The following VTI1A variants were observed in gnomAD, a reference collection of about 807,000 sequenced individuals.
VTI1A encodes the protein vesicle transport through interaction with t-SNAREs 1A, also known as vesicle transport through interaction with t-SNAREs homolog 1A.
A neutral mutation model predicts 34.9 loss-of-function variants in VTI1A; 22 were observed. The observed-to-expected ratio is 0.63, with a 90% CI of 0.45 to 0.90. The LOEUF (loss-of-function observed/expected upper bound fraction) is 0.90. Among genes scored for constraint, VTI1A ranks in the 40% least tolerant of loss-of-function variants. The pLI, the probability that VTI1A is intolerant of heterozygous loss-of-function variation, is 0.00. For missense variants in VTI1A, 268 were observed against 275.6 expected (o/e 0.97, Z 0.20); for synonymous variants, 87 against 97.3 (o/e 0.89, Z 0.62).
intron 7 of VTI1A, among the ~76,000 whole-genome samples, chr10:112,684,189 A>G (rs1235752589): frequency 6.6e-6 from 1 of 152,186 alleles, no homozygotes; most frequent in African/African-American, 2.4e-5. Context: ...TTTTATGTAC[A>G]ACATATAAAA....
chr10:112,765,486 A>C (rs1326650962), intron 7 of VTI1A, among the ~76,000 whole-genome samples: 1 of 152,258 alleles, frequency 6.6e-6, no homozygotes, highest in Non-Finnish European at 1.5e-5. Flanking sequence ...CTGAGATTAC[A>C]GGCATGAGCC....
In VTI1A at chr10:112,510,611, G is replaced by GGAC. The variant is rs79900538; in HGVS notation, c.265-16472_265-16470dup. On this transcript the variant is annotated intron_variant, in intron 3 of 7. Coordinates refer to ENST00000393077, the MANE Select transcript of VTI1A (RefSeq NM_145206.4). ...TGACTGTGCCACTGGTCTCCAGCAT[G>GGAC]GACGACAGTGAGGCTTTGACTCAAA... Among the ~76,000 whole-genome samples the GGAC allele has an allele frequency of 6.0e-3, 907 of 152,148 alleles. 3 individuals carry two copies. The highest frequency in any genetic ancestry group is 9.3e-3 in the Non-Finnish European group (630 of 68,008).
chr10:112,721,425 G>C (rs1849803829), intron 7 of VTI1A, among the ~76,000 whole-genome samples: 1 of 152,186 alleles, frequency 6.6e-6, no homozygotes, highest in Admixed American at 6.5e-5. Context: ...ACCAATAACA[G>C]AACAACTTAC....
At chr10:112,610,146 G>A (rs903697220) in intron 5 of VTI1A, among the ~76,000 whole-genome samples, 2 of 150,086 alleles carry the variant, frequency 1.3e-5, no homozygotes, top group African/African-American at 4.9e-5. Context: ...TGTTCAGGGG[G>A]AATCATAAAA....
chr10:112,846,880 G>A, the VTI1A span, among the ~76,000 whole-genome samples: 1 of 152,048 alleles, frequency 6.6e-6, no homozygotes, highest in Non-Finnish European at 1.5e-5. Context: ...GGTGATTCTA[G>A]AAAGTCTAAC....
At chr10:112,727,369 G>T (rs1007896568) in intron 7 of VTI1A, among the ~76,000 whole-genome samples, 1 of 151,884 alleles carries the variant, frequency 6.6e-6, no homozygotes, top group East Asian at 1.9e-4. Context: ...GGTGAGCAGA[G>T]CAAAACTGTT....
chr10:112,555,787 G>A (rs372067632), intron 5 of VTI1A, among the ~76,000 whole-genome samples: 143 of 151,966 alleles, frequency 9.4e-4, no homozygotes, highest in Non-Finnish European at 1.6e-3. Context: ...TACTGTTTCC[G>A]CTAGAGATCA....
intron 7 of VTI1A, among the ~76,000 whole-genome samples, chr10:112,689,313 C>T (rs925165514): frequency 6.6e-6 from 1 of 152,158 alleles, no homozygotes; most frequent in Admixed American, 6.5e-5. Context: ...TTGGAAATGT[C>T]ATCAGTAACA....
chr10:112,830,822 CATATATATATATAT>C, the VTI1A span, among the ~76,000 whole-genome samples: 2 of 54,728 alleles, frequency 3.7e-5, no homozygotes, highest in African/African-American at 1.5e-4. Context: ...CTAAAACCCT[CATATATATATATAT>C]ATATATATAT....
chr10:112,754,615 C>G (rs529054397), intron 7 of VTI1A, among the ~76,000 whole-genome samples: 36 of 152,290 alleles, frequency 2.4e-4, no homozygotes, highest in African/African-American at 8.4e-4. Flanking sequence ...TCTGCAGATA[C>G]CAAGAGCTGC....
chr10:112,546,842 T>G (rs1851150379), intron 5 of VTI1A, among the ~76,000 whole-genome samples: 1 of 152,216 alleles, frequency 6.6e-6, no homozygotes, highest in Non-Finnish European at 1.5e-5. Context: ...GTTGTAGAAT[T>G]GATAGAGTGG....
intron 3 of VTI1A, among the ~76,000 whole-genome samples, chr10:112,495,772 A>G (rs1162473496): frequency 6.6e-6 from 1 of 152,188 alleles, no homozygotes; most frequent in East Asian, 1.9e-4. Context: ...GCTCGCAGGA[A>G]TTGTATTTAG....
chr10:112,708,418 T>C (rs966868885), intron 7 of VTI1A, among the ~76,000 whole-genome samples: 2 of 152,234 alleles, frequency 1.3e-5, no homozygotes, highest in African/African-American at 2.4e-5. Flanking sequence ...AGCTTGGGAA[T>C]ATTTGTGTTA....
intron 5 of VTI1A, among the ~76,000 whole-genome samples, chr10:112,573,426 T>A: frequency 6.6e-6 from 1 of 152,176 alleles, no homozygotes; most frequent in Non-Finnish European, 1.5e-5. Context: ...AAAACCCTAA[T>A]GGTATTCATG....
chr10:112,566,870 T>TG (rs990908004), intron 5 of VTI1A, among the ~76,000 whole-genome samples: 12 of 152,148 alleles, frequency 7.9e-5, no homozygotes, highest in Admixed American at 2.6e-4. Context: ...GTGTGGGGCA[T>TG]GGGGGTCTTT....
At chr10:112,633,992 A>G (rs908949769) in intron 5 of VTI1A, among the ~76,000 whole-genome samples, 9 of 152,204 alleles carry the variant, frequency 5.9e-5, no homozygotes, top group Admixed American at 5.2e-4. Flanking sequence ...GGTGTATCCA[A>G]ACACCTTTTT....
At chr10:112,730,733 G>A (rs1031441660) in intron 7 of VTI1A, among the ~76,000 whole-genome samples, 18 of 151,502 alleles carry the variant, frequency 1.2e-4, no homozygotes, top group Admixed American at 9.2e-4. Flanking sequence ...AATAAATCCA[G>A]TAAGTGATCA....
intron 7 of VTI1A, among the ~76,000 whole-genome samples, chr10:112,807,683 A>G (rs1030675196): frequency 2.0e-5 from 3 of 151,916 alleles, no homozygotes; most frequent in Non-Finnish European, 2.9e-5. Context: ...GTAAAACCCC[A>G]TCTCTACTAA....
At chr10:112,656,537 T>TTTTTTC (rs1847236675) in intron 5 of VTI1A, among the ~76,000 whole-genome samples, 2 of 148,310 alleles carry the variant, frequency 1.3e-5, no homozygotes, top group East Asian at 2.0e-4. Context: ...TTTTTTTTTT[T>TTTTTTC]TTTTTTTGAG....
Sources: allele counts gnomAD v4.1 joint callset (sites outside exome capture counted in the v4.1 genomes callset), GRCh38; gene constraint gnomAD v4.1.1; transcripts MANE v1.5; gene names NCBI Gene and HGNC (gene_info 2026-07-23, HGNC 2026-07-21).